Variants in CPNE1 observed in about 807,000 individuals in gnomAD.
The protein encoded by CPNE1 is copine-1.
A neutral mutation model predicts 63.2 loss-of-function variants in CPNE1; 58 were observed. The observed-to-expected ratio is 0.92, with a 90% CI of 0.74 to 1.14. The LOEUF is 1.14. Ranked by LOEUF, CPNE1 falls within the 50% of genes most tolerant of loss-of-function variation. The probability of loss-of-function intolerance (pLI) is 0.00; values close to 1 mark genes in which losing one functional copy is unlikely to be tolerated. For synonymous variants in CPNE1, 237 were observed against 249.0 expected (o/e 0.95, Z 0.45); for missense variants, 672 against 661.7 (o/e 1.02, Z -0.17).
chr20:35,631,436 C>A lies in CPNE1; in HGVS notation c.714+56G>T, dbSNP rs116502949. ...GAGCTGCCTTCTCCTTCCTCTCTCC[C>A]ACAAGCTTCAGCTATCTAGGCCCAT... is the stretch of plus-strand genomic sequence containing the variant. On this transcript the variant is annotated intron_variant, in intron 8 of 15. Coordinates refer to ENST00000397443, the MANE Select transcript of CPNE1 (RefSeq NM_152925.3). The A allele has an allele frequency of 2.3e-3, 3,665 of 1,603,168 alleles. 70 individuals carry two copies. The African/African-American group carries it at 0.044, about 19-fold the overall frequency.
chr20:35,637,280 G>A (rs1470002676), intron 1 of CPNE1, among the ~76,000 whole-genome samples: 5 of 152,008 alleles, frequency 3.3e-5, no homozygotes, highest in Non-Finnish European at 7.4e-5. Context: ...TAAAAGCCCC[G>A]TATAGCTGCC....
chr20:35,634,013 G>A (rs1210564134), intron 1 of CPNE1, among the ~76,000 whole-genome samples: 1 of 147,868 alleles, frequency 6.8e-6, no homozygotes, highest in Non-Finnish European at 1.5e-5. Context: ...TGTAATCCCA[G>A]CACCTTGGGA....
intron 1 of CPNE1, chr20:35,649,825 T>G (rs1032316694): frequency 2.0e-5 from 3 of 152,112 alleles, no homozygotes; most frequent in Non-Finnish European, 4.4e-5. Context: ...CTTCCATTAA[T>G]GTCAGAGTCA....
chr20:35,658,524 G>A (rs1251201090), intron 1 of CPNE1, among the ~76,000 whole-genome samples: 1 of 152,132 alleles, frequency 6.6e-6, no homozygotes, highest in Non-Finnish European at 1.5e-5. Flanking sequence ...ACTTTGGGAG[G>A]CTAAGGCAGG....
intron 1 of CPNE1, among the ~76,000 whole-genome samples, chr20:35,656,574 G>A (rs1019801195): frequency 1.3e-5 from 2 of 152,158 alleles, no homozygotes; most frequent in African/African-American, 2.4e-5. Context: ...CACTCTTGTA[G>A]CCCAGGCTGC....
intron 1 of CPNE1, among the ~76,000 whole-genome samples, chr20:35,634,891 C>T (rs1465156557): frequency 1.3e-5 from 2 of 150,342 alleles, no homozygotes; most frequent in Non-Finnish European, 3.0e-5. Flanking sequence ...AGGTGTGCAT[C>T]ACCACACCCA....
intron 1 of CPNE1, chr20:35,664,296 G>A (rs1399639844): frequency 6.6e-6 from 1 of 152,336 alleles, no homozygotes; most frequent in Non-Finnish European, 1.5e-5. Flanking sequence ...TTGCTGGTAG[G>A]CCACAAAGGC....
At chr20:35,663,824 A>G (rs1451652551) in intron 1 of CPNE1, among the ~76,000 whole-genome samples, 2 of 152,144 alleles carry the variant, frequency 1.3e-5, no homozygotes, top group Non-Finnish European at 2.9e-5. Flanking sequence ...TAGATCCTCA[A>G]AGTCCCTCCC....
At chr20:35,647,496 T>G (rs1393082618) in intron 1 of CPNE1, 1 of 151,930 alleles carries the variant, frequency 6.6e-6, no homozygotes, top group Non-Finnish European at 1.5e-5. Context: ...GATTTGGTTG[T>G]GATTTTTCCC....
chr20:35,642,637 T>C (rs1260354043), intron 1 of CPNE1, among the ~76,000 whole-genome samples: 4 of 152,194 alleles, frequency 2.6e-5, no homozygotes, highest in African/African-American at 9.6e-5. Flanking sequence ...TATCCCTACT[T>C]TTCTAACTCG....
chr20:35,630,716 A>C, intron 12 of CPNE1, 25 bp downstream of exon 12: 1 of 1,612,714 alleles, frequency 6.2e-7, no homozygotes, highest in Middle Eastern at 1.7e-4. Context: ...TGAAAACAGG[A>C]GTGGCAGAAA....
chr20:35,645,501 T>G (rs976535553), intron 1 of CPNE1, among the ~76,000 whole-genome samples: 1 of 152,196 alleles, frequency 6.6e-6, no homozygotes, highest in Non-Finnish European at 1.5e-5. Context: ...CCTCAACTGT[T>G]GAAGAACAGG....
chr20:35,636,576 G>T (rs980483664), intron 1 of CPNE1, among the ~76,000 whole-genome samples: 4 of 152,186 alleles, frequency 2.6e-5, no homozygotes, highest in Non-Finnish European at 5.9e-5. Context: ...GAGGCAGGCG[G>T]ATCACTTGAG....
chr20:35,655,879 T>C (rs1461647836), intron 1 of CPNE1, among the ~76,000 whole-genome samples: 1 of 152,206 alleles, frequency 6.6e-6, no homozygotes, highest in Non-Finnish European at 1.5e-5. Context: ...GAATTGTAAA[T>C]AATACTTAAG....
At chr20:35,657,724 C>A (rs1254131977) in intron 1 of CPNE1, among the ~76,000 whole-genome samples, 1 of 152,228 alleles carries the variant, frequency 6.6e-6, no homozygotes, top group South Asian at 2.1e-4. Context: ...ATTCATAAAG[C>A]CATCTGATGA....
rs1182060228 is a variant in CPNE1 at position 35,632,151 on chromosome 20, T to C, written c.456+12A>G. 6.2e-7 allele frequency: 1 copy of C among 1,613,576 alleles called. No individual in the cohort carries two copies. Among genetic ancestry groups the C allele is most frequent in the Admixed American group, 1.7e-5 (1 of 60,010 alleles). On this transcript the variant is annotated intron_variant, in intron 5 of 15. Coordinates refer to ENST00000397443, the MANE Select transcript of CPNE1 (RefSeq NM_152925.3). ...TAACTCTTGGATTACCAGGGCCTACTTCCAGACACACCTTCTTATCTAGGT... is the reference window on the plus strand; with the variant it reads ...TAACTCTTGGATTACCAGGGCCTACCTCCAGACACACCTTCTTATCTAGGT...
chr20:35,628,438 T>A (rs1051344771), intron 13 of CPNE1, among the ~76,000 whole-genome samples: 1 of 152,094 alleles, frequency 6.6e-6, no homozygotes, highest in East Asian at 1.9e-4. Context: ...ACCTGGTAGA[T>A]CTTACCTTAA....
chr20:35,631,125 T>C lies in CPNE1; in HGVS notation c.850A>G (p.Ile284Val). ...FLDYVMGGCQ[I>V]NFTVGVDFTG... ...GTAAAGTAACTTACAGTGAAGTTGA[T>C]CTGACAGCCTCCCATCACATAGTCC... Residue 284 changes from isoleucine (I) to valine (V), a missense_variant, in exon 10 of 16, where the codon ATC becomes GTC. By Grantham distance (29) the Ile-to-Val change is conservative. Coordinates refer to ENST00000397443, the MANE Select transcript of CPNE1 (RefSeq NM_152925.3). 5 of 1,614,168 alleles carry C rather than the reference T, an allele frequency of 3.1e-6. No homozygotes were observed. The highest frequency in any genetic ancestry group is 4.2e-6 in the Non-Finnish European group (5 of 1,180,030).
At position 35,626,638 on chromosome 20, in the gene CPNE1, G is replaced by A; in HGVS notation, c.1402C>T (p.Leu468=). 1.2e-6 allele frequency: 2 copies of A among 1,614,146 alleles called. No individual in the cohort carries two copies. Among genetic ancestry groups the A allele is most frequent in the Non-Finnish European group, 1.7e-6 (2 of 1,180,034 alleles). Residue 468 remains leucine, a synonymous_variant, in exon 15 of 16, where the codon CTG becomes TTG. Coordinates refer to ENST00000397443, the MANE Select transcript of CPNE1 (RefSeq NM_152925.3). The part of the protein sequence containing the change: ...MEQLDADGGP[L]HTRSGQAAAR... ...GCAGCCTGCCCAGAACGTGTATGCA[G>A]GGGTCCACCATCAGCGTCCAGCTGC...
Sources: allele counts gnomAD v4.1 joint callset (sites outside exome capture counted in the v4.1 genomes callset), GRCh38; gene constraint gnomAD v4.1.1; transcripts MANE v1.5; gene names NCBI Gene and HGNC (gene_info 2026-07-23, HGNC 2026-07-21).